DCAF1: variants seen among roughly 807,000 people sequenced by gnomAD.
DCAF1 encodes the protein DDB1 and CUL4 associated factor 1, also known as DDB1- and CUL4-associated factor 1.
Under a neutral mutation model 128.0 loss-of-function variants are expected in DCAF1, and 15 were observed. The observed-to-expected ratio is 0.12, with a 90% CI of 0.08 to 0.18. The LOEUF is 0.18. DCAF1 is among the 10% of genes least tolerant of loss of function. The pLI is 1.00. For synonymous variants in DCAF1, 610 were observed against 603.0 expected, an observed-to-expected ratio of 1.01 and a Z score of -0.17; for missense variants, 988 against 1,649.5, an observed-to-expected ratio of 0.60 and a Z score of 6.95.
At chr3:51,493,637 T>C (rs554620363) in intron 2 of DCAF1, among the ~76,000 whole-genome samples, 6 of 152,182 alleles carry the variant, frequency 3.9e-5, no homozygotes, top group South Asian at 4.1e-4. Context: ...GCTACAGATG[T>C]GGAAAAACCT....
chr3:51,495,980 C>T (rs967088584), intron 2 of DCAF1, among the ~76,000 whole-genome samples: 9 of 147,170 alleles, frequency 6.1e-5, no homozygotes, highest in South Asian at 4.3e-4. Flanking sequence ...AGCAAAAGTG[C>T]GAGACCTTGT....
At chr3:51,461,386 G>A (rs1258929443) in intron 6 of DCAF1, among the ~76,000 whole-genome samples, 2 of 152,188 alleles carry the variant, frequency 1.3e-5, no homozygotes, top group African/African-American at 4.8e-5. Context: ...CAGTTAGAAT[G>A]GCAATCATTA....
chr3:51,465,561 T>C (rs1431435751), intron 5 of DCAF1, among the ~76,000 whole-genome samples: 1 of 151,720 alleles, frequency 6.6e-6, no homozygotes, highest in Non-Finnish European at 1.5e-5. Flanking sequence ...CTGACCAACA[T>C]GGAGAAACCC....
intron 6 of DCAF1, among the ~76,000 whole-genome samples, chr3:51,455,609 A>C (rs1241855700): frequency 6.6e-6 from 1 of 151,640 alleles, no homozygotes; most frequent in Non-Finnish European, 1.5e-5. Flanking sequence ...ACCCCATCTC[A>C]AAAAAAAGGC....
intron 1 of DCAF1, among the ~76,000 whole-genome samples, chr3:51,498,131 G>C (rs1400383681): frequency 1.3e-5 from 2 of 149,562 alleles, no homozygotes; most frequent in Non-Finnish European, 3.0e-5. Context: ...GGAGGCCGAG[G>C]TGGGCAGATC....
At chr3:51,462,434 A>G (rs1204127162) in intron 6 of DCAF1, among the ~76,000 whole-genome samples, 4 of 152,024 alleles carry the variant, frequency 2.6e-5, no homozygotes, top group Non-Finnish European at 5.9e-5. Flanking sequence ...ATGAAAAAAC[A>G]AAAGTAAATA....
At chr3:51,414,570 C>A in intron 19 of DCAF1, 54 bp downstream of exon 19, 1 of 1,590,500 alleles carries the variant, frequency 6.3e-7, no homozygotes, top group Non-Finnish European at 8.6e-7. Flanking sequence ...CAAATTATTT[C>A]TGCACCACAA....
chr3:51,460,126 G>T (rs371143040), intron 6 of DCAF1, among the ~76,000 whole-genome samples: 2 of 152,024 alleles, frequency 1.3e-5, no homozygotes, highest in Admixed American at 6.6e-5. Context: ...TGTCCCTGTT[G>T]GCAGATGACA....
intron 2 of DCAF1, among the ~76,000 whole-genome samples, chr3:51,489,834 TATAG>T (rs71637574): frequency 0.69 from 74,709 of 108,174 alleles, 22,613 homozygotes; most frequent in African/African-American, 0.85. Context: ...TGTGTGTGTA[TATAG>T]ATAGATAGAT....
intron 3 of DCAF1, among the ~76,000 whole-genome samples, chr3:51,473,358 T>C (rs1704998890): frequency 6.7e-6 from 1 of 149,120 alleles, no homozygotes; most frequent in African/African-American, 2.5e-5. Flanking sequence ...ATACTCTCCA[T>C]CTAACATGCT....
At chr3:51,437,074 C>T (rs1202428760) in intron 9 of DCAF1, among the ~76,000 whole-genome samples, 1 of 151,474 alleles carries the variant, frequency 6.6e-6, no homozygotes, top group African/African-American at 2.4e-5. Flanking sequence ...ACCAGCCTGG[C>T]CAATATGGTG....
intron 6 of DCAF1, among the ~76,000 whole-genome samples, chr3:51,457,491 A>G (rs1206115584): frequency 6.6e-6 from 1 of 152,242 alleles, no homozygotes; most frequent in African/African-American, 2.4e-5. Context: ...AACACTCTGC[A>G]GGATATTATC....
At chr3:51,417,965 T>C (rs1432372528) in intron 17 of DCAF1, 151 bp downstream of exon 17, 21 of 989,594 alleles carry the variant, frequency 2.1e-5, no homozygotes, top group Admixed American at 3.0e-5. Context: ...TAAAGTCTTA[T>C]TAAACATGAG....
chr3:51,418,055 T>C (rs1699058403), intron 17 of DCAF1, 61 bp downstream of exon 17: 2 of 1,545,484 alleles, frequency 1.3e-6, no homozygotes, highest in Non-Finnish European at 1.7e-6. Context: ...AAGAACCAAA[T>C]GAAGGGGGGT....
At chr3:51,407,186 C>T (rs1182012727) in intron 23 of DCAF1, among the ~76,000 whole-genome samples, 3 of 125,754 alleles carry the variant, frequency 2.4e-5, no homozygotes, top group Admixed American at 2.4e-4. Flanking sequence ...AAAACAACAA[C>T]AAAACCGTCA....
chr3:51,400,202 T>C (rs1553624442), intron 24 of DCAF1, among the ~76,000 whole-genome samples: 1 of 152,182 alleles, frequency 6.6e-6, no homozygotes, highest in Non-Finnish European at 1.5e-5. Context: ...CAAAGAACTA[T>C]TATCTAACAC....
rs1553631740 is a variant in DCAF1, at chr3:51,419,863, T to C, written c.3107A>G (p.Gln1036Arg). The C allele has an allele frequency of 2.5e-6, 4 of 1,613,982 alleles. No individual in the cohort carries two copies. In the East Asian group the frequency reaches 6.7e-5, roughly 27 times the overall value. The change falls in exon 15 of 25, where the codon CAA becomes CGA. Residue 1036 changes from glutamine to arginine, a missense_variant. Coordinates refer to ENST00000684031, the MANE Select transcript of DCAF1 (RefSeq NM_001387579.1). ...CCGCCTCTGTTTTGGCTCAGGACAT[T>C]GGTGAGGAGTAAAGAGGGAGAAAGG... ...CPPFSLFTPHQCPEPKQRRQA... is the reference protein window; with the variant it reads ...CPPFSLFTPHRCPEPKQRRQA...
chr3:51,471,181 A>T (rs1704697994), intron 3 of DCAF1, among the ~76,000 whole-genome samples, 176 bp from the exon 4 acceptor site: 1 of 150,984 alleles, frequency 6.6e-6, no homozygotes, highest in African/African-American at 2.4e-5. Flanking sequence ...TCCTCTCCCA[A>T]ACTCATTCTT....
intron 2 of DCAF1, among the ~76,000 whole-genome samples, chr3:51,495,059 ACGCCTGTAATCCCTGCACT>A (rs1708083923): frequency 6.6e-6 from 1 of 152,218 alleles, no homozygotes; most frequent in Non-Finnish European, 1.5e-5. Context: ...GTGGTGGCTC[ACGCCTGTAATCCCTGCACT>A]TTGGGAGGCC....
Sources: gnomAD v4.1 joint callset for allele counts (sites outside exome capture counted in the v4.1 genomes callset) on GRCh38, gnomAD v4.1.1 for gene constraint, MANE v1.5 for transcripts, NCBI Gene and HGNC (gene_info 2026-07-23, HGNC 2026-07-21) for gene names.